Variants in PDE1C observed in about 807,000 individuals in gnomAD.
PDE1C encodes the protein phosphodiesterase 1C.
Under a neutral mutation model 93.1 loss-of-function variants are expected in PDE1C, and 62 were observed. The observed-to-expected ratio is 0.67, with a 90% CI of 0.54 to 0.82. The LOEUF (loss-of-function observed/expected upper bound fraction) is 0.82. Ranked by LOEUF, PDE1C falls within the 40% of genes least tolerant of loss-of-function variation. PDE1C has a pLI of 0.00. For missense variants in PDE1C, 742 were observed against 884.6 expected, an observed-to-expected ratio of 0.84 and a Z score of 2.04; for synonymous variants, 325 against 310.1, an observed-to-expected ratio of 1.05 and a Z score of -0.50.
rs777289574 is a variant in PDE1C, at chr7:31,790,247, T to G, written c.1892-14515A>C. The G allele has an allele frequency of 1.9e-6, 3 of 1,612,894 alleles. No homozygotes were observed. In the Admixed American group the frequency reaches 5.0e-5, roughly 27 times the overall value. On this transcript the variant is annotated intron_variant, in intron 16 of 17. Transcript: ENST00000396191. Reference sequence around the variant, plus strand: ...CTTTTATTGTCTATGAGGTCTTTTTTACTCTTGTGAATCTGAAAAAAAGAA... The same window carrying G: ...CTTTTATTGTCTATGAGGTCTTTTTGACTCTTGTGAATCTGAAAAAAAGAA...
chr7:31,926,232 A>G (rs2128969008), intron 2 of PDE1C, among the ~76,000 whole-genome samples: 1 of 152,228 alleles, frequency 6.6e-6, no homozygotes, highest in Middle Eastern at 3.4e-3. Flanking sequence ...TTTTTCAGTG[A>G]GTCATTCATT....
intron 1 of PDE1C, among the ~76,000 whole-genome samples, chr7:32,362,592 A>T (rs1784156251): frequency 6.6e-6 from 1 of 152,170 alleles, no homozygotes; most frequent in Non-Finnish European, 1.5e-5. Context: ...AGCCACACAG[A>T]TGTCCACTGC....
At chr7:32,360,592 G>T (rs1340420307) in intron 1 of PDE1C, among the ~76,000 whole-genome samples, 1 of 152,210 alleles carries the variant, frequency 6.6e-6, no homozygotes, top group Non-Finnish European at 1.5e-5. Flanking sequence ...GGTGTAACAG[G>T]TGGGATGGCA....
the PDE1C span, among the ~76,000 whole-genome samples, chr7:31,692,802 T>C: frequency 6.6e-6 from 1 of 151,988 alleles, no homozygotes; most frequent in Non-Finnish European, 1.5e-5. Context: ...TCTGACAGAG[T>C]CCCAGGCAGA....
At chr7:31,851,387 C>T (rs1793329550) in intron 7 of PDE1C, among the ~76,000 whole-genome samples, 1 of 152,210 alleles carries the variant, frequency 6.6e-6, no homozygotes, top group Non-Finnish European at 1.5e-5. Context: ...ACCCCAATCT[C>T]ACTGGATCAG....
At chr7:32,328,458 T>G (rs1306746306) in intron 1 of PDE1C, among the ~76,000 whole-genome samples, 1 of 152,240 alleles carries the variant, frequency 6.6e-6, no homozygotes, top group Non-Finnish European at 1.5e-5. Flanking sequence ...TCCAAGTCCC[T>G]GCATGATCTG....
At chr7:31,854,366 A>G (rs924419993) in intron 7 of PDE1C, among the ~76,000 whole-genome samples, 1 of 152,198 alleles carries the variant, frequency 6.6e-6, no homozygotes, top group African/African-American at 2.4e-5. Context: ...ATGTCAACCC[A>G]TAAGAAGTCA....
At chr7:32,052,193 A>G (rs1424812790) in intron 1 of PDE1C, 1 of 428,084 alleles carries the variant, frequency 2.3e-6, no homozygotes, top group African/African-American at 2.0e-5. Context: ...GAGAAAGTCT[A>G]GAAGCAAATG....
At chr7:31,714,011 GCTC>G in the PDE1C span, among the ~76,000 whole-genome samples, 1 of 152,060 alleles carries the variant, frequency 6.6e-6, no homozygotes, top group Non-Finnish European at 1.5e-5. Flanking sequence ...TTAACATTTG[GCTC>G]CTCATTACTT....
chr7:32,116,001 A>G (rs1168461416), intron 3 of PDE1C, among the ~76,000 whole-genome samples: 1 of 152,222 alleles, frequency 6.6e-6, no homozygotes, highest in Non-Finnish European at 1.5e-5. Flanking sequence ...CTACTCAAGT[A>G]TGAGAAAAAT....
the PDE1C span, among the ~76,000 whole-genome samples, chr7:31,725,045 C>A: frequency 6.6e-6 from 1 of 152,172 alleles, no homozygotes; most frequent in African/African-American, 2.4e-5. Flanking sequence ...TAAGGGTTCC[C>A]TTCATTCCTT....
At chr7:31,618,362 C>T in the PDE1C span, among the ~76,000 whole-genome samples, 1 of 150,254 alleles carries the variant, frequency 6.7e-6, no homozygotes, top group Non-Finnish European at 1.5e-5. Context: ...GGTTCCTCCC[C>T]TGTCCTTTCC....
chr7:32,154,087 G>A (rs1353472380), intron 3 of PDE1C, among the ~76,000 whole-genome samples: 1 of 152,076 alleles, frequency 6.6e-6, no homozygotes, highest in Non-Finnish European at 1.5e-5. Context: ...AACCCTGCCT[G>A]TACAAAAAAT....
the PDE1C span, chr7:31,707,563 T>C: frequency 5.5e-6 from 2 of 364,318 alleles, no homozygotes; most frequent in Non-Finnish European, 9.9e-6. Context: ...GGGAAAGCAC[T>C]GGGGTTCGGT....
At chr7:31,624,781 T>C in the PDE1C span, among the ~76,000 whole-genome samples, 54 of 151,960 alleles carry the variant, frequency 3.6e-4, no homozygotes, top group Non-Finnish European at 7.4e-5. Flanking sequence ...TGGGATCTAA[T>C]TAAACTAAAG....
intron 9 of PDE1C, among the ~76,000 whole-genome samples, chr7:31,845,539 G>A (rs1792456183): frequency 1.3e-5 from 2 of 152,072 alleles, no homozygotes; most frequent in Non-Finnish European, 2.9e-5. Context: ...GGGGTCAGGG[G>A]CTAGGGAAGG....
intron 11 of PDE1C, 91 bp downstream of exon 11, chr7:31,837,089 C>T: frequency 7.7e-7 from 1 of 1,303,680 alleles, no homozygotes; most frequent in Non-Finnish European, 1.0e-6. Flanking sequence ...TTACTGTAAT[C>T]TCAATAGTCC....
chr7:32,348,658 C>T (rs966979278), intron 1 of PDE1C, among the ~76,000 whole-genome samples: 2 of 152,112 alleles, frequency 1.3e-5, no homozygotes, highest in Admixed American at 6.5e-5. Context: ...CCACCACGCC[C>T]AGCCACAAAT....
intron 2 of PDE1C, among the ~76,000 whole-genome samples, chr7:31,975,138 C>T (rs1225400455): frequency 6.6e-6 from 1 of 152,136 alleles, no homozygotes; most frequent in Non-Finnish European, 1.5e-5. Context: ...TACTACAGTC[C>T]TATGCCTCTC....
Sources: allele counts gnomAD v4.1 joint callset (sites outside exome capture counted in the v4.1 genomes callset), GRCh38; gene constraint gnomAD v4.1.1; transcripts MANE v1.5; gene names NCBI Gene and HGNC (gene_info 2026-07-23, HGNC 2026-07-21).